Variants in CCR5AS observed in about 807,000 individuals in gnomAD.
CCR5AS encodes the protein CCR5 antisense RNA.
At chr3:46,400,612 G>T (rs1171630059) in intron 1 of CCR5AS, among the ~76,000 whole-genome samples, 2 of 152,214 alleles carry the variant, frequency 1.3e-5, no homozygotes, top group Non-Finnish European at 2.9e-5. Flanking sequence ...ACCTCAGCTG[G>T]GCACTAGTGG....
intron 1 of CCR5AS, among the ~76,000 whole-genome samples, chr3:46,397,533 C>A (rs766280196): frequency 1.2e-4 from 18 of 152,228 alleles, no homozygotes; most frequent in Middle Eastern, 3.2e-3. Context: ...CACTGCAAGG[C>A]CAGACAGGGC....
intron 1 of CCR5AS, among the ~76,000 whole-genome samples, chr3:46,398,051 G>A (rs559963473): frequency 6.6e-6 from 1 of 152,178 alleles, no homozygotes; most frequent in Non-Finnish European, 1.5e-5. Flanking sequence ...TTGGGAAAAG[G>A]GGGACTAGAA....
At chr3:46,405,951 C>T (rs1182860496) in intron 1 of CCR5AS, among the ~76,000 whole-genome samples, 2 of 151,788 alleles carry the variant, frequency 1.3e-5, no homozygotes, top group Non-Finnish European at 2.9e-5. Context: ...TCATGGCTCA[C>T]CGCAGCCTCC....
exon 2 of CCR5AS, chr3:46,392,868 C>T: frequency 4.6e-6 from 1 of 219,612 alleles, no homozygotes; most frequent in Non-Finnish European, 8.9e-6. Flanking sequence ...GGTCTGAGGA[C>T]CTGAGGTCGT....
intron 2 of CCR5AS, among the ~76,000 whole-genome samples, chr3:46,380,681 C>T (rs1701808353): frequency 6.6e-6 from 1 of 152,182 alleles, no homozygotes; most frequent in South Asian, 2.1e-4. Flanking sequence ...TAGGAGCACT[C>T]GTGACTCCCT....
intron 1 of CCR5AS, among the ~76,000 whole-genome samples, chr3:46,400,463 T>A (rs1477075383): frequency 1.3e-5 from 2 of 152,170 alleles, no homozygotes; most frequent in Non-Finnish European, 2.9e-5. Context: ...GGGCTGATAG[T>A]CAGAGGCTGG....
At chr3:46,365,270 C>T (rs971907632) in intron 3 of CCR5AS, among the ~76,000 whole-genome samples, 1 of 152,082 alleles carries the variant, frequency 6.6e-6, no homozygotes, top group African/African-American at 2.4e-5. Flanking sequence ...CACAGCCACC[C>T]CCAGCTTTAG....
chr3:46,381,564 C>T (rs1055908232), intron 2 of CCR5AS, among the ~76,000 whole-genome samples: 7 of 152,038 alleles, frequency 4.6e-5, no homozygotes, highest in Admixed American at 3.3e-4. Flanking sequence ...AACTGCATAC[C>T]GCTGAATATA....
At chr3:46,387,397 C>T (rs1178801308) in intron 2 of CCR5AS, among the ~76,000 whole-genome samples, 1 of 152,182 alleles carries the variant, frequency 6.6e-6, no homozygotes, top group Non-Finnish European at 1.5e-5. Context: ...TATTGCTAGG[C>T]AAACCTGAGC....
At chr3:46,399,575 G>C (rs1701989327) in intron 1 of CCR5AS, among the ~76,000 whole-genome samples, 1 of 152,082 alleles carries the variant, frequency 6.6e-6, no homozygotes, top group Non-Finnish European at 1.5e-5. Context: ...CTAATAGAGA[G>C]GAAAAAGTTG....
chr3:46,373,032 G>A, intron 2 of CCR5AS: 2 of 1,614,110 alleles, frequency 1.2e-6, no homozygotes, highest in Non-Finnish European at 1.7e-6. Context: ...GTTCATCTTT[G>A]GTTTTGTGGG....
chr3:46,379,852 T>C (rs1303743164), intron 2 of CCR5AS, among the ~76,000 whole-genome samples: 1 of 151,860 alleles, frequency 6.6e-6, no homozygotes, highest in African/African-American at 2.4e-5. Context: ...AGCTGACATC[T>C]AGCCACTGCA....
intron 1 of CCR5AS, among the ~76,000 whole-genome samples, chr3:46,400,175 G>A (rs1002917045): frequency 2.6e-5 from 4 of 152,042 alleles, no homozygotes; most frequent in African/African-American, 9.7e-5. Flanking sequence ...TACATTTGTA[G>A]AGACAGGGTC....
chr3:46,384,954 T>G (rs1320844551), intron 2 of CCR5AS, among the ~76,000 whole-genome samples: 1 of 152,178 alleles, frequency 6.6e-6, no homozygotes, highest in Non-Finnish European at 1.5e-5. Flanking sequence ...TGTGTGTGTC[T>G]GGCTGCGTGC....
chr3:46,373,147 CTGTCCCCTTCTGGGCTCACTA>C (rs1261756208), intron 2 of CCR5AS: 38 of 1,614,070 alleles, frequency 2.4e-5, no homozygotes, highest in Non-Finnish European at 3.1e-5. Flanking sequence ...TTCCTTCTTA[CTGTCCCCTTCTGGGCTCACTA>C]TGCTGCCGCC....
At chr3:46,370,355 G>A (rs192425331) in intron 3 of CCR5AS, among the ~76,000 whole-genome samples, 4 of 145,826 alleles carry the variant, frequency 2.7e-5, no homozygotes, top group East Asian at 2.2e-4. Flanking sequence ...GGTTGTTTCC[G>A]TTTACAGAGA....
At chr3:46,397,026 C>A (rs1175201047) in intron 1 of CCR5AS, among the ~76,000 whole-genome samples, 1 of 152,214 alleles carries the variant, frequency 6.6e-6, no homozygotes, top group African/African-American at 2.4e-5. Flanking sequence ...AGTAGGTGGT[C>A]CCTCAAGAAC....
At chr3:46,364,232 C>G (rs1475368020), downstream of CCR5AS, among the ~76,000 whole-genome samples, 1 of 152,248 alleles carries the variant, frequency 6.6e-6, no homozygotes, top group Non-Finnish European at 1.5e-5. Context: ...CTCCACAGGA[C>G]AGGCTGACTC....
intron 1 of CCR5AS, among the ~76,000 whole-genome samples, chr3:46,397,377 AGCTTGGCAGAAGCCAAACG>A (rs1701969960): frequency 6.6e-6 from 1 of 152,176 alleles, no homozygotes; most frequent in South Asian, 2.1e-4. Context: ...GTCCTTCAGG[AGCTTGGCAGAAGCCAAACG>A]GCACACTTAA....
Sources: gnomAD v4.1 joint callset for allele counts (sites outside exome capture counted in the v4.1 genomes callset) on GRCh38, gnomAD v4.1.1 for gene constraint, MANE v1.5 for transcripts, NCBI Gene and HGNC (gene_info 2026-07-23, HGNC 2026-07-21) for gene names.